Variants in ODAM observed in about 807,000 individuals in gnomAD.
ODAM encodes odontogenic, ameloblast associated, also known as odontogenic ameloblast-associated protein.
Under a neutral mutation model 48.5 loss-of-function variants are expected in ODAM, and 55 were observed. That is an observed-to-expected ratio of 1.13 (90% CI 0.91 to 1.42). ODAM has a LOEUF of 1.42. ODAM is among the 40% of genes most tolerant of loss of function. The pLI is 0.00. For synonymous variants in ODAM, 127 were observed against 107.8 expected (o/e 1.18, Z -1.10); for missense variants, 353 against 323.6 (o/e 1.09, Z -0.70).
At position 70,204,381 on chromosome 4, in the gene ODAM, A is replaced by C; in HGVS notation, c.*236A>C. ...GTCTTACAAAATTATATGTCTCTTC[A>C]AATATCCTATCATTGTATAATATGG... On this transcript the variant is annotated 3_prime_UTR_variant, in exon 12 of 12. Coordinates refer to ENST00000683306, the MANE Select transcript of ODAM (RefSeq NM_017855.4). 6.6e-6 allele frequency: 1 copy of C among 152,048 alleles called. No homozygotes were observed. Among genetic ancestry groups the C allele is most frequent in the East Asian group, 1.9e-4 (1 of 5,174 alleles). The allele number at this position is 152,048 out of a possible 1,614,324, so 9.4% of individuals were successfully genotyped here. A position where few individuals can be genotyped will look rare whatever the true frequency, so the allele number is the denominator to read the frequency against.
chr4:70,201,680 T>G (rs1729497403), intron 8 of ODAM, among the ~76,000 whole-genome samples, 179 bp downstream of exon 8: 1 of 151,874 alleles, frequency 6.6e-6, no homozygotes, highest in Non-Finnish European at 1.5e-5. Flanking sequence ...TTGGGTGTCT[T>G]AATAGGAAAG....
Position 70,202,768 on chromosome 4 carries a change from G to A in ODAM, c.661G>A (p.Glu221Lys). ...PEIAVMSTGE[E>K]IPYLQKEAIN... ...TCATTCTCTGTAGTCAACAGGAGAA[G>A]AGATACCATATTTACAAAAAGAAGC... is the stretch of plus-strand genomic sequence containing the variant. The change falls in exon 10 of 12, where the codon GAG becomes AAG. Residue 221 changes from glutamate to lysine, a missense_variant. Glu to Lys is a moderately conservative substitution (Grantham distance 56, BLOSUM62 1). Coordinates refer to ENST00000683306, the MANE Select transcript of ODAM (RefSeq NM_017855.4). The A allele has an allele frequency of 6.2e-7, 1 of 1,609,954 alleles. No individual in the cohort carries two copies.
chr4:70,197,628 G>C, intron 4 of ODAM: 1 of 537,782 alleles, frequency 1.9e-6, no homozygotes, highest in South Asian at 2.2e-5. Flanking sequence ...AGGTTGGCAG[G>C]TTTAGGGTTA....
At chr4:70,200,673 G>A in intron 7 of ODAM, 72 bp downstream of exon 7, 1 of 986,246 alleles carries the variant, frequency 1.0e-6, no homozygotes, top group Admixed American at 2.6e-5. Flanking sequence ...TATTACCATA[G>A]AAAAAAAGTT....
chr4:70,203,282 A>C, intron 11 of ODAM, 68 bp downstream of exon 11: 1 of 929,422 alleles, frequency 1.1e-6, no homozygotes, highest in Non-Finnish European at 1.7e-6. Flanking sequence ...AAAAGAAAAA[A>C]GTTGGCAGAG....
chr4:70,197,845 C>T (rs1449976656), intron 4 of ODAM, 79 bp from the exon 5 acceptor site: 4 of 1,132,946 alleles, frequency 3.5e-6, no homozygotes, highest in Non-Finnish European at 5.1e-6. Flanking sequence ...TGTATTTTGC[C>T]TCTTTCTTGC....
Position 70,202,876 on chromosome 4 carries a change from G to T in ODAM, c.769G>T (p.Ala257Ser), listed in dbSNP as rs1328305666. The change falls in exon 10 of 12, where the codon GCT becomes TCT. Residue 257 changes from alanine to serine, a missense_variant. Transcript: ENST00000683306. ...CAGCACAACCAATGTTTTCACTTCT[G>T]CTGTAGACCAAACTATTACCCCAGA... Reference protein sequence around the residue: ...KPSTTNVFTSAVDQTITPELP... With the variant: ...KPSTTNVFTSSVDQTITPELP... The T allele has an allele frequency of 4.3e-6, 7 of 1,612,202 alleles. No homozygotes were observed. The highest frequency in any genetic ancestry group is 5.1e-6 in the Non-Finnish European group (6 of 1,178,956).
intron 4 of ODAM, 47 bp from the exon 5 acceptor site, chr4:70,197,877 T>C (rs1449443943): frequency 1.3e-6 from 2 of 1,504,826 alleles, no homozygotes; most frequent in Non-Finnish European, 9.1e-7. Flanking sequence ...TTTTAAATTC[T>C]TTTTGGCATG....
chr4:70,200,056 A>G (rs1016770699), intron 6 of ODAM: 1 of 423,770 alleles, frequency 2.4e-6, no homozygotes, highest in Non-Finnish European at 4.6e-6. Context: ...ATAAAGTAGC[A>G]ATTCTTAAAG....
intron 9 of ODAM, 111 bp downstream of exon 9, chr4:70,202,440 G>C: frequency 1.1e-6 from 1 of 933,342 alleles, no homozygotes; most frequent in Non-Finnish European, 1.7e-6. Flanking sequence ...AATAATTTTT[G>C]CTTCTTCTTC....
intron 1 of ODAM, 78 bp downstream of exon 1, chr4:70,195,871 C>A (rs1184831448): frequency 2.1e-6 from 1 of 476,306 alleles, no homozygotes; most frequent in African/African-American, 2.1e-5. Context: ...ATCAAGTTCA[C>A]CCTAAATGCT....
At position 70,196,698 on chromosome 4, in the gene ODAM, C is replaced by T; in HGVS notation, c.58C>T (p.Pro20Ser). ...LGATLSAPLIPQRLMSASNSN... is the reference protein window; with the variant it reads ...LGATLSAPLISQRLMSASNSN... ...TTTTCATTTTTACTTTTAGCTTATC[C>T]CACAGCGTCTCATGTCTGCCAGCAA... The change falls in exon 3 of 12, where the codon CCA becomes TCA. Residue 20 changes from proline (P) to serine (S), a missense_variant. Coordinates refer to ENST00000683306, the MANE Select transcript of ODAM (RefSeq NM_017855.4). 1.2e-6 allele frequency: 2 copies of T among 1,607,670 alleles called. No individual in the cohort carries two copies. The highest frequency in any genetic ancestry group is 1.7e-6 in the Non-Finnish European group (2 of 1,176,798).
chr4:70,201,026 A>G (rs1269224993), intron 7 of ODAM, among the ~76,000 whole-genome samples: 1 of 151,982 alleles, frequency 6.6e-6, no homozygotes, highest in Non-Finnish European at 1.5e-5. Flanking sequence ...ATTAGATACC[A>G]TTATATTAAA....
intron 4 of ODAM, 64 bp downstream of exon 4, chr4:70,197,385 G>A (rs1420882327): frequency 9.8e-6 from 9 of 915,070 alleles, no homozygotes; most frequent in African/African-American, 3.4e-5. Context: ...ATGTTATTTT[G>A]TAAGAAAACA....
At chr4:70,200,665 T>C (rs1729476205) in intron 7 of ODAM, 64 bp downstream of exon 7, 1 of 1,087,232 alleles carries the variant, frequency 9.2e-7, no homozygotes, top group Admixed American at 2.4e-5. Flanking sequence ...ATAAGGTATA[T>C]TACCATAGAA....
In ODAM at chr4:70,197,294, TG is replaced by T. The variant is rs1217406878; in HGVS notation, c.116del (p.Gly39ValfsTer42). 5 of 1,444,980 alleles carry T rather than the reference TG, an allele frequency of 3.5e-6. No individual in the cohort carries two copies. The highest frequency in any genetic ancestry group is 4.9e-6 in the Non-Finnish European group (5 of 1,027,602). 89.5% of individuals were successfully genotyped at this position (1,444,980 alleles called of 1,614,324 possible). ...TCTAGTTACTTCTTAATCTTAATAA[TG>T]GTCAACTTTTGCCACTACAACTTCA... The part of the protein sequence containing the change: ...SNELLLNLNN[G>X]QLLPLQLQGP... On this transcript the variant is annotated frameshift_variant, in exon 4 of 12. Transcript: ENST00000683306. LOFTEE classifies it high-confidence loss of function.
At chr4:70,196,412 G>A (rs1578235434) in intron 1 of ODAM, 117 bp from the exon 2 acceptor site, 4 of 528,922 alleles carry the variant, frequency 7.6e-6, no homozygotes, top group Non-Finnish European at 1.3e-5. Context: ...ATTGCAAAAT[G>A]TAAGTAAATA....
chr4:70,196,891 T>C (rs556354154), intron 3 of ODAM, among the ~76,000 whole-genome samples, 158 bp downstream of exon 3: 1 of 152,130 alleles, frequency 6.6e-6, no homozygotes, highest in African/African-American at 2.4e-5. Context: ...ATATAACAGG[T>C]TACCTCTAAA....
In ODAM at chr4:70,197,328, C is replaced by G. The variant is rs774070616; in HGVS notation, c.141+7C>G. On this transcript the variant is annotated splice_region_variant and intron_variant, in intron 4 of 11. Transcript: ENST00000683306. ...TTTGCCACTACAACTTCAGGTACCT[C>G]CATTTCAATAATTACTTTATGGGGA... is the stretch of plus-strand genomic sequence containing the variant. 2 of 1,403,240 alleles carry G rather than the reference C, an allele frequency of 1.4e-6. No homozygotes were observed. The highest frequency in any genetic ancestry group is 2.3e-5 in the South Asian group (2 of 85,992). The allele number at this position is 1,403,240 out of a possible 1,614,324, so 86.9% of individuals were successfully genotyped here. A position where few individuals can be genotyped will look rare whatever the true frequency, so the allele number is the denominator to read the frequency against.
Sources: gnomAD v4.1 joint callset for allele counts (sites outside exome capture counted in the v4.1 genomes callset) on GRCh38, gnomAD v4.1.1 for gene constraint, MANE v1.5 for transcripts, NCBI Gene and HGNC (gene_info 2026-07-23, HGNC 2026-07-21) for gene names.